The following RANBP3 variants were observed in gnomAD, a reference collection of about 807,000 sequenced individuals.
The protein encoded by RANBP3 is ran-binding protein 3.
In RANBP3, 14 loss-of-function variants were observed where a neutral mutation model predicts 77.3. That is an observed-to-expected ratio of 0.18 (90% CI 0.12 to 0.28). The LOEUF is 0.28. Ranked by LOEUF, RANBP3 falls within the 10% of genes least tolerant of loss-of-function variation. RANBP3 has a pLI of 1.00. For synonymous variants in RANBP3, 315 were observed against 312.4 expected (o/e 1.01, Z -0.09); for missense variants, 586 against 752.3 (o/e 0.78, Z 2.59).
chr19:5,917,586 G>A lies in RANBP3; in HGVS notation c.*24C>T. On this transcript the variant is annotated 3_prime_UTR_variant, in exon 17 of 17. Transcript: ENST00000340578. The stretch of plus-strand genomic sequence containing the variant: ...GGATAGACGGACAAAGCAGCAGCCT[G>A]GTGTGCAGCCGGGCTCCCGGCCGCT... 6.4e-7 allele frequency: 1 copy of A among 1,573,532 alleles called. No individual in the cohort carries two copies. Among genetic ancestry groups the A allele is most frequent in the Non-Finnish European group, 8.6e-7 (1 of 1,163,906 alleles).
At position 5,952,874 on chromosome 19, in the gene RANBP3, C is replaced by A. The variant is rs2058292298; in HGVS notation, c.79-1278G>T. On this transcript the variant is annotated intron_variant, in intron 2 of 16. Transcript: ENST00000340578. This position sits in a 1 kb window ranked among gnomAD's most constrained non-coding sequence, Gnocchi z 4.1. ...GCTCTCTAAACCTGGCTCTCTAAAC[C>A]TGCACAGGGCACCGTGGTTCGTCCA... Among the ~76,000 whole-genome samples, 1 of 152,216 alleles carries A rather than the reference C, an allele frequency of 6.6e-6. No homozygotes were observed. The highest frequency in any genetic ancestry group is 6.5e-5 in the Admixed American group (1 of 15,288).
intron 4 of RANBP3, 35 bp from the exon 5 acceptor site, chr19:5,941,742 C>A (rs368553261): frequency 3.7e-6 from 6 of 1,612,480 alleles, no homozygotes; most frequent in Middle Eastern, 3.8e-4. Context: ...GGAGAAAAAT[C>A]AGGTTGCTTC....
intron 1 of RANBP3, among the ~76,000 whole-genome samples, chr19:5,969,165 C>T (rs2058502385): frequency 1.3e-5 from 2 of 152,212 alleles, no homozygotes; most frequent in Non-Finnish European, 2.9e-5. Context: ...GCCTTGCAGG[C>T]CATGCTGACA....
chr19:5,970,690 T>C (rs944634911), intron 1 of RANBP3, among the ~76,000 whole-genome samples: 1 of 152,118 alleles, frequency 6.6e-6, no homozygotes, highest in Non-Finnish European at 1.5e-5. Flanking sequence ...ACAGGGTGCT[T>C]TCTCTCTACT....
intron 12 of RANBP3, 21 bp downstream of exon 12, chr19:5,923,791 T>C (rs766153123): frequency 1.9e-6 from 3 of 1,571,752 alleles, no homozygotes; most frequent in Non-Finnish European, 2.6e-6. Context: ...AGCCCCATGC[T>C]GTGGTGGGAC....
At chr19:5,956,235 G>C (rs150999558) in intron 2 of RANBP3, among the ~76,000 whole-genome samples, 2,411 of 152,236 alleles carry the variant, frequency 0.016, 36 homozygotes, top group Middle Eastern at 0.095. Context: ...ATAATAAAAT[G>C]CAAAATTCTA....
At chr19:5,927,889 G>A (rs1414094048) in intron 9 of RANBP3, 79 bp downstream of exon 9, 2 of 1,527,692 alleles carry the variant, frequency 1.3e-6, no homozygotes, top group East Asian at 2.3e-5. Flanking sequence ...CCTGTTAAAA[G>A]GAAAATCTAC....
chr19:5,962,653 T>C, intron 1 of RANBP3: 1 of 455,968 alleles, frequency 2.2e-6, no homozygotes, highest in Non-Finnish European at 4.4e-6. Flanking sequence ...GGTCTGGCAT[T>C]CATGACTGAC....
chr19:5,962,680 C>T (rs765944363), intron 1 of RANBP3: 2 of 456,068 alleles, frequency 4.4e-6, no homozygotes, highest in South Asian at 1.5e-5. Context: ...ACTGCACTAA[C>T]ATGTAGAAAT....
At chr19:5,935,933 C>T (rs2058058658) in intron 5 of RANBP3, 1 of 399,880 alleles carries the variant, frequency 2.5e-6, no homozygotes, top group South Asian at 1.8e-5. Flanking sequence ...GAGGATGCTG[C>T]ACCAGTCTCT....
intron 1 of RANBP3, among the ~76,000 whole-genome samples, chr19:5,977,684 GGC>G (rs1309757343): frequency 6.6e-6 from 1 of 152,206 alleles, no homozygotes; most frequent in Admixed American, 6.5e-5. Flanking sequence ...GAGGGAGCGT[GGC>G]GCGCTCCGGG....
intron 2 of RANBP3, 57 bp downstream of exon 2, chr19:5,957,861 G>T (rs548727956): frequency 1.1e-5 from 18 of 1,582,868 alleles, no homozygotes; most frequent in Non-Finnish European, 1.6e-5. Context: ...GAGACTCTCA[G>T]TAAAGAGAGA....
intron 3 of RANBP3, among the ~76,000 whole-genome samples, chr19:5,942,442 T>C (rs978829710): frequency 2.6e-5 from 4 of 152,180 alleles, no homozygotes; most frequent in African/African-American, 9.7e-5. Context: ...GAATTCCCTA[T>C]TCCACAAACT....
At chr19:5,949,570 T>C (rs546237468) in intron 3 of RANBP3, among the ~76,000 whole-genome samples, 59 of 152,262 alleles carry the variant, frequency 3.9e-4, no homozygotes, top group Middle Eastern at 3.4e-3. Context: ...CAGAGCTACA[T>C]TGGAACATTT....
At chr19:5,976,625 T>G (rs1427529869) in intron 1 of RANBP3, 2 of 152,204 alleles carry the variant, frequency 1.3e-5, no homozygotes, top group East Asian at 3.8e-4. Flanking sequence ...GCGCCTGTAA[T>G]CCCAGCTACT....
intron 3 of RANBP3, 107 bp from the exon 4 acceptor site, chr19:5,941,942 T>C: frequency 7.7e-7 from 1 of 1,293,054 alleles, no homozygotes; most frequent in African/African-American, 1.5e-5. Flanking sequence ...GGGCAGCTAG[T>C]TCCCAGAGCC....
chr19:5,917,850 T>C lies in RANBP3; in HGVS notation c.1604A>G (p.Glu535Gly), dbSNP rs865795870. The change falls in exon 16 of 17, where the codon GAG (glutamate) becomes GGG (glycine). Residue 535 changes from glutamate (E) to glycine (G), a missense_variant. Coordinates refer to ENST00000340578, the MANE Select transcript of RANBP3 (RefSeq NM_007322.3). The stretch of plus-strand genomic sequence containing the variant: ...ATCGTCATCGTCGCTGTCGTCCTCC[T>C]CGTTGGATGGGGCTGCCCCAGGCTC... ...APEPGAAPSN[E>G]EDDSDDDDVL... 1.2e-6 allele frequency: 2 copies of C among 1,612,868 alleles called. No homozygotes were observed. The highest frequency in any genetic ancestry group is 1.7e-4 in the Middle Eastern group (1 of 6,058).
At chr19:5,975,204 G>T (rs1333552717) in intron 1 of RANBP3, among the ~76,000 whole-genome samples, 1 of 152,188 alleles carries the variant, frequency 6.6e-6, no homozygotes, top group Non-Finnish European at 1.5e-5. Context: ...TTGAAGGACG[G>T]CAGGGATATA....
Position 5,917,296 on chromosome 19 carries a change from G to A in RANBP3, c.*314C>T. ...CCCAGAGGCTGGCGACACGCGGGGT[G>A]AAGGAACGAGGTCTCCAGTCCCAGT... On this transcript the variant is annotated 3_prime_UTR_variant, in exon 17 of 17. Transcript: ENST00000340578. 4.6e-6 allele frequency: 2 copies of A among 431,800 alleles called. No homozygotes were observed. Among genetic ancestry groups the A allele is most frequent in the South Asian group, 3.0e-5 (1 of 33,180 alleles). The allele number at this position is 431,800 out of a possible 1,614,324, so 26.7% of individuals were successfully genotyped here. A position where few individuals can be genotyped will look rare whatever the true frequency, so the allele number is the denominator to read the frequency against.
Sources: allele counts gnomAD v4.1 joint callset (sites outside exome capture counted in the v4.1 genomes callset), GRCh38; gene constraint gnomAD v4.1.1; non-coding constraint Gnocchi (gnomAD v3.1); transcripts MANE v1.5; gene names NCBI Gene and HGNC (gene_info 2026-07-23, HGNC 2026-07-21).